Variants in DNAH2 observed in about 807,000 individuals in gnomAD.
The protein encoded by DNAH2 is axonemal beta dynein heavy chain 2.
A neutral mutation model predicts 523.5 loss-of-function variants in DNAH2; 323 were observed. The observed-to-expected ratio is 0.62, with a 90% CI of 0.56 to 0.68. DNAH2 has a LOEUF of 0.68. Ranked by LOEUF, DNAH2 falls within the 30% of genes least tolerant of loss-of-function variation. The pLI is 0.00. For missense variants in DNAH2, 4,907 were observed against 5,701.5 expected, an observed-to-expected ratio of 0.86 and a Z score of 4.49; for synonymous variants, 2,093 against 2,177.4, an observed-to-expected ratio of 0.96 and a Z score of 1.08.
In DNAH2 at chr17:7,760,004, G is replaced by C; in HGVS notation, c.2785+66G>C. ...GAGGCTGTCGAGTGGGCCAGGCCAGGAGGAGAGACCAGGGCTATTTCCAGG... is the reference window on the plus strand; with the variant it reads ...GAGGCTGTCGAGTGGGCCAGGCCAGCAGGAGAGACCAGGGCTATTTCCAGG... On this transcript the variant is annotated intron_variant, in intron 17 of 85. Transcript: ENST00000572933. The surrounding 1 kb of genome is among the most constrained non-coding windows in gnomAD (Gnocchi z 4.0). The C allele has an allele frequency of 5.6e-6, 9 of 1,609,000 alleles. No individual in the cohort carries two copies. Among genetic ancestry groups the C allele is most frequent in the Non-Finnish European group, 7.7e-6 (9 of 1,176,200 alleles).
intron 28 of DNAH2, 57 bp from the exon 29 acceptor site, chr17:7,774,702 A>T: frequency 6.6e-7 from 1 of 1,506,200 alleles, no homozygotes; most frequent in Non-Finnish European, 9.1e-7. Context: ...TGGGGCATCC[A>T]GATCCGCCCA....
intron 50 of DNAH2, among the ~76,000 whole-genome samples, 166 bp downstream of exon 50, chr17:7,796,818 G>A (rs923601039): frequency 5.3e-5 from 8 of 150,436 alleles, no homozygotes; most frequent in South Asian, 4.2e-4. Flanking sequence ...GGCCAAGTGC[G>A]GTGGCTCACA....
At chr17:7,745,967 G>C (rs2075507444) in intron 12 of DNAH2, among the ~76,000 whole-genome samples, 1 of 151,984 alleles carries the variant, frequency 6.6e-6, no homozygotes, top group Non-Finnish European at 1.5e-5. Context: ...ACCTCAGGCG[G>C]GCCATTGAAT....
At chr17:7,793,257 C>G (rs2076949735) in intron 48 of DNAH2, 52 bp downstream of exon 48, 10 of 1,573,320 alleles carry the variant, frequency 6.4e-6, no homozygotes, top group Middle Eastern at 1.8e-4. Flanking sequence ...CTGGGATAGG[C>G]TCAGTCCCCA....
intron 58 of DNAH2, among the ~76,000 whole-genome samples, chr17:7,802,547 G>A (rs1022096736): frequency 2.6e-5 from 4 of 152,128 alleles, no homozygotes; most frequent in African/African-American, 9.7e-5. Flanking sequence ...CTCTCTAGAT[G>A]AGTTATAATA....
chr17:7,774,568 T>C (rs2076398339), intron 28 of DNAH2, among the ~76,000 whole-genome samples, 191 bp from the exon 29 acceptor site: 1 of 152,212 alleles, frequency 6.6e-6, no homozygotes, highest in Non-Finnish European at 1.5e-5. Flanking sequence ...TAATGAATAC[T>C]GTAATGAATT....
intron 63 of DNAH2, among the ~76,000 whole-genome samples, chr17:7,810,589 A>G (rs2077489619): frequency 6.6e-6 from 1 of 152,056 alleles, no homozygotes; most frequent in Non-Finnish European, 1.5e-5. Context: ...GGGTTTCACC[A>G]CGTTGGCCAG....
chr17:7,805,360 G>C lies in DNAH2; in HGVS notation c.9409G>C (p.Glu3137Gln). 1 of 1,614,244 alleles carries C rather than the reference G, an allele frequency of 6.2e-7. No individual in the cohort carries two copies. The highest frequency in any genetic ancestry group is 1.1e-5 in the South Asian group (1 of 91,084). Residue 3137 changes from glutamate (E) to glutamine (Q), a missense_variant, in exon 61 of 86, where the codon GAG becomes CAG. Transcript: ENST00000572933. ...MQAVMILRGN[E>Q]PTWAEAKRQL... The stretch of plus-strand genomic sequence containing the variant: ...GGCAGTTATGATTCTTCGAGGCAAC[G>C]AGCCCACATGGGCAGAGGCCAAGAG...
Position 7,833,503 on chromosome 17 carries a change from C to T in DNAH2, c.13254C>T (p.Gly4418=). The T allele has an allele frequency of 6.2e-7, 1 of 1,614,072 alleles. No homozygotes were observed. The highest frequency in any genetic ancestry group is 8.5e-7 in the Non-Finnish European group (1 of 1,180,038). Residue 4418 remains glycine (G), a synonymous_variant, in exon 86 of 86, where the codon GGC becomes GGT. Transcript: ENST00000572933. ...CACCTGATCATTGGATCAAGAGGGG[C>T]ACTGCTCTACTCATGAGCCTGGACA... is the stretch of plus-strand genomic sequence containing the variant. The part of the protein sequence containing the change: ...AMTPDHWIKR[G]TALLMSLDS
In DNAH2 at chr17:7,805,260, G is replaced by A; in HGVS notation, c.9309G>A (p.Glu3103=). The change falls in exon 61 of 86, where the codon GAG becomes GAA. Residue 3103 remains glutamate (E), a synonymous_variant. Coordinates refer to ENST00000572933, the MANE Select transcript of DNAH2 (RefSeq NM_020877.5). The stretch of plus-strand genomic sequence containing the variant: ...ATCCCCTTTTCCCCCAGGCCCTGGA[G>A]TCTCTGAACAAGAAGGATATAGGAG... ...PALEEAMRAL[E]SLNKKDIGEI... The A allele has an allele frequency of 1.2e-6, 2 of 1,614,224 alleles. No homozygotes were observed. Among genetic ancestry groups the A allele is most frequent in the Non-Finnish European group, 1.7e-6 (2 of 1,180,042 alleles).
chr17:7,724,014 T>C (rs917957357), intron 3 of DNAH2, among the ~76,000 whole-genome samples: 5 of 152,160 alleles, frequency 3.3e-5, no homozygotes, highest in African/African-American at 1.2e-4. Context: ...CCTAATTGGA[T>C]ACTAATTTCT....
Position 7,759,829 on chromosome 17 carries a change from G to T in DNAH2, c.2676G>T (p.Val892=), listed in dbSNP as rs1490866868. 6.2e-7 allele frequency: 1 copy of T among 1,614,040 alleles called. No homozygotes were observed. Among genetic ancestry groups the T allele is most frequent in the African/African-American group, 1.3e-5 (1 of 74,900 alleles). ...FSPTLQTLAG[V]VNDIGNHLFS... is the part of the protein sequence containing the mutation. ...CCACTCTGCAGACTTTGGCAGGTGT[G>T]GTCAATGACATTGGCAACCACCTCT... is the stretch of plus-strand genomic sequence containing the variant. Residue 892 remains valine, a synonymous_variant, in exon 17 of 86, where the codon GTG becomes GTT. Coordinates refer to ENST00000572933, the MANE Select transcript of DNAH2 (RefSeq NM_020877.5).
intron 24 of DNAH2, 145 bp downstream of exon 24, chr17:7,768,412 T>C: frequency 1.3e-6 from 1 of 795,560 alleles, no homozygotes; most frequent in Non-Finnish European, 2.0e-6. Context: ...TCTTTCCTCT[T>C]TTTAACATTT....
intron 12 of DNAH2, among the ~76,000 whole-genome samples, chr17:7,745,966 G>C (rs931697640): frequency 6.6e-6 from 1 of 151,966 alleles, no homozygotes; most frequent in Non-Finnish European, 1.5e-5. Flanking sequence ...GACCTCAGGC[G>C]GGCCATTGAA....
intron 32 of DNAH2, 25 bp downstream of exon 32, chr17:7,776,914 A>T: frequency 6.3e-7 from 1 of 1,577,342 alleles, no homozygotes; most frequent in Non-Finnish European, 8.7e-7. Flanking sequence ...GCACTGGCTC[A>T]TGCTTGTAAT....
intron 18 of DNAH2, among the ~76,000 whole-genome samples, chr17:7,761,512 AT>A (rs2076004805): frequency 7.1e-6 from 1 of 141,604 alleles, no homozygotes; most frequent in Admixed American, 7.0e-5. Context: ...TTTTTCAAAT[AT>A]TTTTTTTTGA....
At chr17:7,758,853 T>A in intron 14 of DNAH2, 32 bp from the exon 15 acceptor site, 1 of 1,610,424 alleles carries the variant, frequency 6.2e-7, no homozygotes, top group Admixed American at 1.7e-5. Flanking sequence ...CTTCCCGAGC[T>A]GAAACTCCCC....
intron 24 of DNAH2, among the ~76,000 whole-genome samples, chr17:7,768,769 C>T (rs552383881): frequency 6.6e-6 from 1 of 152,342 alleles, no homozygotes; most frequent in South Asian, 2.1e-4. Context: ...TCAGACTTTA[C>T]ATATGACATA....
At position 7,743,620 on chromosome 17, in the gene DNAH2, CACACCA is replaced by C. The variant is rs1421125945; in HGVS notation, c.1904+479_1904+484del. 138 of 461,692 alleles carry C rather than the reference CACACCA, an allele frequency of 3.0e-4. 1 individual carries two copies. Among genetic ancestry groups the C allele is most frequent in the Non-Finnish European group, 9.3e-5 (24 of 258,648 alleles). 28.6% of individuals were successfully genotyped at this position (461,692 alleles called of 1,614,324 possible). On this transcript the variant is annotated intron_variant, in intron 12 of 85. Coordinates refer to ENST00000572933, the MANE Select transcript of DNAH2 (RefSeq NM_020877.5). Reference sequence around the variant, plus strand: ...GGCAGAGGCTGCAGTGAGCTGAGATCACACCACTACACTCCAGCCTGGGCGACAGAG... The same window carrying C: ...GGCAGAGGCTGCAGTGAGCTGAGATCCTACACTCCAGCCTGGGCGACAGAG...
Sources: allele counts gnomAD v4.1 joint callset (sites outside exome capture counted in the v4.1 genomes callset), GRCh38; gene constraint gnomAD v4.1.1; non-coding constraint Gnocchi (gnomAD v3.1); transcripts MANE v1.5; gene names NCBI Gene and HGNC (gene_info 2026-07-23, HGNC 2026-07-21).